CERS5: variants seen among roughly 807,000 people sequenced by gnomAD.
CERS5 encodes ceramide synthase 5, also known as LAG1 homolog, ceramide synthase 5.
A neutral mutation model predicts 58.9 loss-of-function variants in CERS5; 37 were observed. The ratio of observed to expected loss-of-function variants is 0.63; its 90% confidence interval spans 0.48 to 0.83. The LOEUF (loss-of-function observed/expected upper bound fraction) is 0.83. Among genes scored for constraint, CERS5 ranks in the 40% least tolerant of loss-of-function variants. The pLI is 0.00. For missense variants in CERS5, 398 were observed against 489.3 expected, an observed-to-expected ratio of 0.81 and a Z score of 1.76; for synonymous variants, 147 against 177.8, an observed-to-expected ratio of 0.83 and a Z score of 1.38.
At chr12:50,144,741 G>A in intron 1 of CERS5, 2 of 1,337,310 alleles carry the variant, frequency 1.5e-6, no homozygotes, top group Non-Finnish European at 2.1e-6. Context: ...CTACTAATAA[G>A]GCATATAAAC....
At chr12:50,165,249 C>G (rs577689669) in intron 1 of CERS5, 1 of 152,088 alleles carries the variant, frequency 6.6e-6, no homozygotes, top group African/African-American at 2.4e-5. Context: ...GAATCCCCGT[C>G]TCTACTAAAA....
At chr12:50,135,305 AGGAGTGTGTGT>A (rs1951621127) in intron 8 of CERS5, 6 of 216,882 alleles carry the variant, frequency 2.8e-5, no homozygotes, top group African/African-American at 1.5e-4. Flanking sequence ...AGAGAGAGAG[AGGAGTGTGTGT>A]GTGTGTGTGT....
At chr12:50,130,738 G>A (rs746253759) in intron 9 of CERS5, 44 bp from the exon 10 acceptor site, 2 of 1,523,202 alleles carry the variant, frequency 1.3e-6, no homozygotes, top group East Asian at 2.3e-5. Context: ...GGAAAGAACT[G>A]TAAGACACCT....
At chr12:50,159,059 C>T (rs1010935772) in intron 1 of CERS5, among the ~76,000 whole-genome samples, 1 of 152,084 alleles carries the variant, frequency 6.6e-6, no homozygotes, top group Non-Finnish European at 1.5e-5. Flanking sequence ...CGGTGGCTCA[C>T]ACCTGTAATC....
At chr12:50,148,946 A>ATATATATATATATGTGTG in intron 1 of CERS5, among the ~76,000 whole-genome samples, 1 of 103,134 alleles carries the variant, frequency 9.7e-6, no homozygotes, top group African/African-American at 4.0e-5. Flanking sequence ...ATATATATAT[A>ATATATATATATATGTGTG]TGTGTGTGTG....
At chr12:50,142,380 T>C (rs1952017432) in intron 3 of CERS5, among the ~76,000 whole-genome samples, 2 of 151,982 alleles carry the variant, frequency 1.3e-5, no homozygotes, top group Non-Finnish European at 2.9e-5. Context: ...TAGTGAAACC[T>C]TGTCTCTACG....
At chr12:50,143,922 A>C in intron 2 of CERS5, 30 bp downstream of exon 2, 2 of 1,348,732 alleles carry the variant, frequency 1.5e-6, no homozygotes, top group Non-Finnish European at 2.1e-6. Context: ...CCTTATGTGA[A>C]TATTCCTCTC....
rs1407045802 is a variant in CERS5, at chr12:50,131,957, C to A, written c.1030-1263G>T. Among the ~76,000 whole-genome samples, 3 of 151,584 alleles carry A rather than the reference C, an allele frequency of 2.0e-5. No individual in the cohort carries two copies. The East Asian group carries it at 5.9e-4, about 30-fold the overall frequency. ...TACAAAAAATAAAAAATGACAAAATCAGTTGGGCATGGTGACATGCACCTG... is the reference window on the plus strand; with the variant it reads ...TACAAAAAATAAAAAATGACAAAATAAGTTGGGCATGGTGACATGCACCTG... On this transcript the variant is annotated intron_variant, in intron 9 of 9. Transcript: ENST00000317551.
rs147518723 is a variant in CERS5 at position 50,163,614 on chromosome 12, T to C, written c.197+3487A>G. On this transcript the variant is annotated intron_variant, in intron 1 of 9. Coordinates refer to ENST00000317551, the MANE Select transcript of CERS5 (RefSeq NM_147190.5). ...GGGAAGCTGAGGCAGCAGGATCGCT[T>C]GAGGCCAGGAGCTCAGGCCTCTACA... Among the ~76,000 whole-genome samples the C allele has an allele frequency of 3.7e-3, 566 of 152,304 alleles. 7 individuals are homozygous for C. The highest frequency in any genetic ancestry group is 0.012 in the African/African-American group (510 of 41,572).
chr12:50,159,417 G>T (rs971122434), intron 1 of CERS5, among the ~76,000 whole-genome samples: 2 of 152,094 alleles, frequency 1.3e-5, no homozygotes, highest in African/African-American at 2.4e-5. Context: ...TTACTAAAAT[G>T]TCTTAGATTC....
intron 1 of CERS5, among the ~76,000 whole-genome samples, chr12:50,146,750 G>A (rs921490160): frequency 2.6e-5 from 4 of 151,692 alleles, no homozygotes; most frequent in Admixed American, 2.6e-4. Flanking sequence ...GGGAGACTGA[G>A]GCGGGAGAAT....
chr12:50,167,362 G>A lies in CERS5; in HGVS notation c.-65C>T. The A allele has an allele frequency of 2.8e-6, 4 of 1,437,352 alleles. No individual in the cohort carries two copies. Among genetic ancestry groups the A allele is most frequent in the South Asian group, 2.9e-5 (2 of 68,008 alleles). 89.0% of individuals were successfully genotyped at this position (1,437,352 alleles called of 1,614,324 possible). A position where few individuals can be genotyped will look rare whatever the true frequency, so the allele number is the denominator to read the frequency against. Reference sequence around the variant, plus strand: ...GCTGCCGCCACAGCCAACGGAACCCGCGGGGAGGCGGCCCCAGGGCGGGGC... The same window carrying A: ...GCTGCCGCCACAGCCAACGGAACCCACGGGGAGGCGGCCCCAGGGCGGGGC... On this transcript the variant is annotated 5_prime_UTR_variant, in exon 1 of 10. Coordinates refer to ENST00000317551, the MANE Select transcript of CERS5 (RefSeq NM_147190.5).
chr12:50,132,198 G>C (rs1951366418), intron 9 of CERS5, among the ~76,000 whole-genome samples: 1 of 151,776 alleles, frequency 6.6e-6, no homozygotes, highest in Non-Finnish European at 1.5e-5. Flanking sequence ...TCGGGAGTTC[G>C]AGACCAGCCA....
chr12:50,159,287 C>G (rs1344884629), intron 1 of CERS5, among the ~76,000 whole-genome samples: 1 of 152,136 alleles, frequency 6.6e-6, no homozygotes, highest in Non-Finnish European at 1.5e-5. Flanking sequence ...CGCCACTGCA[C>G]TACAGCCTGG....
intron 1 of CERS5, chr12:50,165,890 G>A: frequency 2.2e-6 from 1 of 450,626 alleles, no homozygotes; most frequent in Admixed American, 2.4e-5. Context: ...ATCACCCACA[G>A]GTATAAATTC....
chr12:50,159,058 A>C (rs1938972052), intron 1 of CERS5, among the ~76,000 whole-genome samples: 1 of 152,176 alleles, frequency 6.6e-6, no homozygotes, highest in South Asian at 2.1e-4. Flanking sequence ...GCGGTGGCTC[A>C]CACCTGTAAT....
At chr12:50,151,296 T>C (rs1937930380) in intron 1 of CERS5, among the ~76,000 whole-genome samples, 1 of 152,222 alleles carries the variant, frequency 6.6e-6, no homozygotes, top group Non-Finnish European at 1.5e-5. Context: ...TTTATCTTAC[T>C]TGACCTTTCA....
intron 4 of CERS5, among the ~76,000 whole-genome samples, chr12:50,138,864 A>G (rs1039915924): frequency 3.3e-5 from 5 of 152,214 alleles, no homozygotes; most frequent in African/African-American, 9.6e-5. Flanking sequence ...GTTTTAGGAA[A>G]TATCACTACC....
In CERS5 at chr12:50,132,043, TGCAGTGAGC is replaced by T. The variant is rs554313368; in HGVS notation, c.1030-1358_1030-1350del. Reference sequence around the variant, plus strand: ...TCTCTTGAGCCCAGGAGGTCGAGGCTGCAGTGAGCCATGATTGCGCCACTGTACTCCAGC... The same window carrying T: ...TCTCTTGAGCCCAGGAGGTCGAGGCTCATGATTGCGCCACTGTACTCCAGC... On this transcript the variant is annotated intron_variant, in intron 9 of 9. Transcript: ENST00000317551. Among the ~76,000 whole-genome samples, 55 of 151,848 alleles carry T rather than the reference TGCAGTGAGC, an allele frequency of 3.6e-4. 1 individual carries two copies. In the East Asian group the frequency reaches 0.01, roughly 28 times the overall value.
Sources: allele counts gnomAD v4.1 joint callset (sites outside exome capture counted in the v4.1 genomes callset), GRCh38; gene constraint gnomAD v4.1.1; transcripts MANE v1.5; gene names NCBI Gene and HGNC (gene_info 2026-07-23, HGNC 2026-07-21).